Variants in AGBL4 observed in about 807,000 individuals in gnomAD.
The protein encoded by AGBL4 is AGBL carboxypeptidase 4.
A neutral mutation model predicts 66.4 loss-of-function variants in AGBL4; 58 were observed. The ratio of observed to expected loss-of-function variants is 0.87; its 90% CI spans 0.71 to 1.09. The LOEUF (loss-of-function observed/expected upper bound fraction) is 1.09, where lower values mean the gene tolerates loss of function less well. Among genes scored for constraint, AGBL4 ranks in the 50% least tolerant of loss-of-function variants. AGBL4 has a pLI of 0.00. For synonymous variants in AGBL4, 234 were observed against 222.9 expected (o/e 1.05, Z -0.44); for missense variants, 579 against 631.0 (o/e 0.92, Z 0.88).
At chr1:48,793,306 C>T (rs1306677355) in intron 6 of AGBL4, among the ~76,000 whole-genome samples, 1 of 152,150 alleles carries the variant, frequency 6.6e-6, no homozygotes, top group Non-Finnish European at 1.5e-5. Context: ...TCACAAACTC[C>T]CCCAGCCTCA....
At chr1:48,820,904 GA>G (rs1173061772) in intron 6 of AGBL4, among the ~76,000 whole-genome samples, 3 of 151,412 alleles carry the variant, frequency 2.0e-5, no homozygotes, top group African/African-American at 4.9e-5. Flanking sequence ...AATTCAACAA[GA>G]AAAAAAACCA....
chr1:49,624,177 G>A (rs1374921185), intron 3 of AGBL4, among the ~76,000 whole-genome samples: 1 of 151,994 alleles, frequency 6.6e-6, no homozygotes, highest in African/African-American at 2.4e-5. Context: ...TTAACACTCA[G>A]TAAGTATATG....
chr1:48,622,254 C>T lies in AGBL4; in HGVS notation c.951+12239G>A, dbSNP rs547405975. Among the ~76,000 whole-genome samples the T allele has an allele frequency of 3.0e-4, 45 of 152,242 alleles. 1 individual carries two copies. In the South Asian group the frequency reaches 8.1e-3, roughly 27 times the overall value. ...CAGTCTTTGTCTAAAAAAATCCTAC[C>T]CTTCCTTCAAAGCTTATCTCAGAGA... On this transcript the variant is annotated intron_variant, in intron 9 of 13. Transcript: ENST00000371839.
At chr1:49,530,282 A>AAAAAAAAAAAAAAAAAAAAAAT (rs1558025489) in intron 3 of AGBL4, among the ~76,000 whole-genome samples, 15 of 145,414 alleles carry the variant, frequency 1.0e-4, no homozygotes, top group East Asian at 2.0e-4. Flanking sequence ...ACAAAAAAAA[A>AAAAAAAAAAAAAAAAAAAAAAT]CTCTATGAGT....
At chr1:48,731,930 G>A (rs549120874) in intron 6 of AGBL4, among the ~76,000 whole-genome samples, 2 of 152,292 alleles carry the variant, frequency 1.3e-5, no homozygotes, top group East Asian at 3.9e-4. Context: ...ATAATGGAGA[G>A]AGGAGTCTGG....
At chr1:49,719,981 C>T (rs1399152445) in intron 2 of AGBL4, among the ~76,000 whole-genome samples, 13 of 152,114 alleles carry the variant, frequency 8.5e-5, no homozygotes, top group Admixed American at 8.5e-4. Flanking sequence ...AATTAAACCT[C>T]TTTCCTTTAT....
At chr1:50,020,791 G>A (rs1169091917) in intron 1 of AGBL4, among the ~76,000 whole-genome samples, 1 of 152,158 alleles carries the variant, frequency 6.6e-6, no homozygotes, top group East Asian at 1.9e-4. Flanking sequence ...GAAGTAAAAT[G>A]TATAAAGCAC....
In AGBL4 at chr1:48,837,711, C is replaced by CTATATATAAATATA. The variant is rs1646714806; in HGVS notation, c.634+29479_634+29480insTATATTTATATATA. Among the ~76,000 whole-genome samples, 12 of 82,312 alleles carry CTATATATAAATATA rather than the reference C, an allele frequency of 1.5e-4. 1 individual carries two copies. In the South Asian group the frequency reaches 7.1e-3, roughly 49 times the overall value. The allele number at this position is 82,312 out of a possible 152,430, so 54.0% of individuals were successfully genotyped here. A position where few individuals can be genotyped will look rare whatever the true frequency, so the allele number is the denominator to read the frequency against. On this transcript the variant is annotated intron_variant, in intron 6 of 13. Coordinates refer to ENST00000371839, the MANE Select transcript of AGBL4 (RefSeq NM_032785.4). The stretch of plus-strand genomic sequence containing the variant: ...ACGCACACACACGCACACACACACA[C>CTATATATAAATATA]TATATATATATATATATATATATAT...
At chr1:49,675,180 A>T (rs917725391) in intron 3 of AGBL4, among the ~76,000 whole-genome samples, 4 of 152,130 alleles carry the variant, frequency 2.6e-5, no homozygotes, top group African/African-American at 9.7e-5. Context: ...CATGCAGGCC[A>T]TCCCTAGAAG....
intron 6 of AGBL4, among the ~76,000 whole-genome samples, chr1:48,825,247 C>T (rs1039823157): frequency 4.6e-5 from 7 of 152,126 alleles, no homozygotes; most frequent in African/African-American, 1.4e-4. Flanking sequence ...CCGATTTTAG[C>T]GCAACCCGCC....
intron 2 of AGBL4, among the ~76,000 whole-genome samples, chr1:49,790,800 A>G (rs189097572): frequency 1.3e-5 from 2 of 152,318 alleles, no homozygotes; most frequent in East Asian, 3.9e-4. Flanking sequence ...TCAAATCTAA[A>G]GGAAAGCCAG....
chr1:48,541,680 G>T (rs1345451296), intron 11 of AGBL4, among the ~76,000 whole-genome samples: 2 of 152,100 alleles, frequency 1.3e-5, no homozygotes, highest in Non-Finnish European at 2.9e-5. Context: ...GAGGCAGGAG[G>T]CTCGCTTGAA....
At chr1:49,913,302 A>C (rs1247003284) in intron 1 of AGBL4, among the ~76,000 whole-genome samples, 1 of 152,254 alleles carries the variant, frequency 6.6e-6, no homozygotes, top group Admixed American at 6.5e-5. Context: ...AGACATTCCC[A>C]TTCCAAAAAT....
At chr1:48,534,762 C>T in intron 13 of AGBL4, 128 bp downstream of exon 13, 1 of 1,010,774 alleles carries the variant, frequency 9.9e-7, no homozygotes, top group Non-Finnish European at 1.5e-6. Context: ...GCCTCACTGC[C>T]TGAAAATCCA....
At chr1:49,759,704 C>T (rs982158623) in intron 2 of AGBL4, among the ~76,000 whole-genome samples, 6 of 152,104 alleles carry the variant, frequency 3.9e-5, no homozygotes, top group Non-Finnish European at 7.4e-5. Flanking sequence ...GTGGAAACAA[C>T]CCAAATGTCC....
chr1:49,736,720 G>C (rs1409820796), intron 2 of AGBL4, among the ~76,000 whole-genome samples: 1 of 151,898 alleles, frequency 6.6e-6, no homozygotes, highest in African/African-American at 2.4e-5. Flanking sequence ...TATCAACAGA[G>C]CAAACAGACA....
At chr1:49,046,637 C>T (rs1159114759) in intron 4 of AGBL4, among the ~76,000 whole-genome samples, 1 of 152,112 alleles carries the variant, frequency 6.6e-6, no homozygotes, top group East Asian at 1.9e-4. Flanking sequence ...ACAATGTTTC[C>T]CTGCAGTGAA....
At chr1:49,279,943 G>C (rs1007716543) in intron 3 of AGBL4, among the ~76,000 whole-genome samples, 7 of 152,184 alleles carry the variant, frequency 4.6e-5, no homozygotes, top group African/African-American at 1.7e-4. Flanking sequence ...TGCTGCTAAA[G>C]CATAACTATA....
chr1:48,814,587 C>T (rs904206914), intron 6 of AGBL4, among the ~76,000 whole-genome samples: 5 of 149,600 alleles, frequency 3.3e-5, no homozygotes, highest in Non-Finnish European at 5.9e-5. Flanking sequence ...TGTAGCAAAT[C>T]TCTCCCTATG....
Sources: allele counts gnomAD v4.1 joint callset (sites outside exome capture counted in the v4.1 genomes callset), GRCh38; gene constraint gnomAD v4.1.1; transcripts MANE v1.5; gene names NCBI Gene and HGNC (gene_info 2026-07-23, HGNC 2026-07-21).